PDE4B: variants seen among roughly 807,000 people sequenced by gnomAD.
PDE4B encodes the protein 3',5'-cyclic-AMP phosphodiesterase 4B.
A neutral mutation model predicts 82.2 loss-of-function variants in PDE4B; 20 were observed. That is an observed-to-expected ratio of 0.24 (90% CI 0.17 to 0.35). The LOEUF (loss-of-function observed/expected upper bound fraction) is 0.35, where lower values mean the gene tolerates loss of function less well. PDE4B is among the 10% of genes least tolerant of loss of function. The pLI is 1.00. For synonymous variants in PDE4B, 320 were observed against 318.9 expected, an observed-to-expected ratio of 1.00 and a Z score of -0.04; for missense variants, 655 against 907.2, an observed-to-expected ratio of 0.72 and a Z score of 3.57.
intron 3 of PDE4B, among the ~76,000 whole-genome samples, chr1:65,946,724 G>C (rs1444554623): frequency 6.6e-6 from 1 of 151,956 alleles, no homozygotes; most frequent in Non-Finnish European, 1.5e-5. Flanking sequence ...AGTACTATAG[G>C]TGATGTGGTG....
chr1:65,852,796 T>C (rs545249103), intron 1 of PDE4B, among the ~76,000 whole-genome samples: 137 of 152,176 alleles, frequency 9.0e-4, no homozygotes, highest in Non-Finnish European at 1.5e-3. Flanking sequence ...CAAGACTTGT[T>C]TATGGTCCAT....
chr1:66,318,527 A>G (rs138011292), intron 7 of PDE4B, among the ~76,000 whole-genome samples: 2 of 152,290 alleles, frequency 1.3e-5, no homozygotes, highest in African/African-American at 4.8e-5. Context: ...CATTATTTTT[A>G]TTACCACCTC....
intron 3 of PDE4B, among the ~76,000 whole-genome samples, chr1:66,045,110 C>T (rs1047269182): frequency 1.3e-5 from 2 of 151,882 alleles, no homozygotes; most frequent in South Asian, 2.1e-4. Context: ...ATCTTTGTCA[C>T]GAGGTGGAGC....
In PDE4B at chr1:65,844,947, G is replaced by T. The variant is rs574595109; in HGVS notation, c.-71+51699G>T. Among the ~76,000 whole-genome samples the T allele has an allele frequency of 2.0e-3, 301 of 152,308 alleles. 2 individuals are homozygous for T. The highest frequency in any genetic ancestry group is 6.3e-3 in the African/African-American group (264 of 41,582). On this transcript the variant is annotated intron_variant, in intron 1 of 16. Coordinates refer to ENST00000341517, the MANE Select transcript of PDE4B (RefSeq NM_002600.4). ...TTTTGCGGAGGTTTGGATCAATTCA[G>T]TGGGTTGTAGTTTGACATATGAAGT...
At chr1:65,848,615 A>G (rs1451591951) in intron 1 of PDE4B, among the ~76,000 whole-genome samples, 1 of 152,180 alleles carries the variant, frequency 6.6e-6, no homozygotes, top group African/African-American at 2.4e-5. Flanking sequence ...TTTTCTTTCT[A>G]AAGTTTCATA....
chr1:66,022,992 A>G (rs952810217), intron 3 of PDE4B, among the ~76,000 whole-genome samples: 1 of 151,892 alleles, frequency 6.6e-6, no homozygotes, highest in Non-Finnish European at 1.5e-5. Context: ...AGAACCTGTT[A>G]TTGGTCTATT....
At chr1:66,205,760 G>A (rs1649494932) in intron 3 of PDE4B, among the ~76,000 whole-genome samples, 1 of 152,174 alleles carries the variant, frequency 6.6e-6, no homozygotes, top group Non-Finnish European at 1.5e-5. Flanking sequence ...GATTCTGTCT[G>A]TGCTAGAAAG....
rs781315273 is a variant in PDE4B, at chr1:65,798,238, CTTTTTTTTTTT to C, written c.-71+5011_-71+5021del. ...GTTTCACCATGTTGGCCAGGCTAGT[CTTTTTTTTTTT>C]TTTTTTTTTTTTTTTTTTTTGAGAC... On this transcript the variant is annotated intron_variant, in intron 1 of 16. Coordinates refer to ENST00000341517, the MANE Select transcript of PDE4B (RefSeq NM_002600.4). Among the ~76,000 whole-genome samples the C allele has an allele frequency of 2.5e-3, 57 of 22,658 alleles. 1 individual carries two copies. The highest frequency in any genetic ancestry group is 3.6e-3 in the Non-Finnish European group (54 of 15,160). 14.9% of individuals were successfully genotyped at this position (22,658 alleles called of 152,430 possible).
Position 66,209,377 on chromosome 1 carries a change from C to T in PDE4B, c.282-38083C>T, listed in dbSNP as rs533362101. Among the ~76,000 whole-genome samples, 353 of 152,182 alleles carry T rather than the reference C, an allele frequency of 2.3e-3. 1 individual carries two copies. Among genetic ancestry groups the T allele is most frequent in the Non-Finnish European group, 3.9e-3 (268 of 68,006 alleles). ...ATTTTCTATATCTGCAGTAATTTTCCCAGGGTTACGTAGCTCCTAACTGGA... is the reference window on the plus strand; with the variant it reads ...ATTTTCTATATCTGCAGTAATTTTCTCAGGGTTACGTAGCTCCTAACTGGA... On this transcript the variant is annotated intron_variant, in intron 3 of 16. Coordinates refer to ENST00000341517, the MANE Select transcript of PDE4B (RefSeq NM_002600.4).
In PDE4B at chr1:66,198,758, C is replaced by A. The variant is rs138041308; in HGVS notation, c.282-48702C>A. Among the ~76,000 whole-genome samples, 76 of 152,204 alleles carry A rather than the reference C, an allele frequency of 5.0e-4. 3 individuals are homozygous for A. In the East Asian group the frequency reaches 9.4e-3, roughly 19 times the overall value. Reference sequence around the variant, plus strand: ...TATATCTCCTAATGCTATCCCTCCCCCTTCCCCCCACCCCACAACAGTCCC... The same window carrying A: ...TATATCTCCTAATGCTATCCCTCCCACTTCCCCCCACCCCACAACAGTCCC... On this transcript the variant is annotated intron_variant, in intron 3 of 16. Coordinates refer to ENST00000341517, the MANE Select transcript of PDE4B (RefSeq NM_002600.4).
At chr1:66,304,046 A>G (rs1433247554) in intron 7 of PDE4B, among the ~76,000 whole-genome samples, 2 of 152,190 alleles carry the variant, frequency 1.3e-5, no homozygotes, top group Non-Finnish European at 2.9e-5. Flanking sequence ...CCTAGGACTC[A>G]CAATTCAGGA....
intron 7 of PDE4B, among the ~76,000 whole-genome samples, chr1:66,286,086 C>T (rs973598596): frequency 2.0e-5 from 3 of 152,130 alleles, no homozygotes; most frequent in Admixed American, 1.3e-4. Context: ...TAAATAAGTG[C>T]TAAATAAATA....
chr1:65,902,607 C>T lies in PDE4B; in HGVS notation c.-70-10638C>T, dbSNP rs566321289. Among the ~76,000 whole-genome samples the T allele has an allele frequency of 7.9e-5, 12 of 152,144 alleles. No homozygotes were observed. In the South Asian group the frequency reaches 1.7e-3, roughly 21 times the overall value. ...AACTGATTGTATCAGTTGTGCATTA[C>T]GATTGTGATGATACTCTACTTAGAT... On this transcript the variant is annotated intron_variant, in intron 1 of 16. Transcript: ENST00000341517.
At chr1:65,970,263 C>T (rs1454581977) in intron 3 of PDE4B, among the ~76,000 whole-genome samples, 8 of 148,726 alleles carry the variant, frequency 5.4e-5, no homozygotes, top group Admixed American at 2.0e-4. Flanking sequence ...AAAGGTTGTA[C>T]GGTTCTATTC....
chr1:66,297,935 G>T (rs571451935), intron 7 of PDE4B, among the ~76,000 whole-genome samples: 5 of 152,214 alleles, frequency 3.3e-5, no homozygotes, highest in African/African-American at 1.2e-4. Flanking sequence ...ATATGACTAG[G>T]TTGGTGAACA....
chr1:66,273,128 AC>A (rs770599418), intron 7 of PDE4B, among the ~76,000 whole-genome samples: 2 of 152,104 alleles, frequency 1.3e-5, no homozygotes, highest in Non-Finnish European at 2.9e-5. Flanking sequence ...TCAAGATAAG[AC>A]CTAAATGTCT....
At chr1:66,006,176 C>G (rs985245281) in intron 3 of PDE4B, among the ~76,000 whole-genome samples, 10 of 152,104 alleles carry the variant, frequency 6.6e-5, no homozygotes, top group African/African-American at 2.2e-4. Flanking sequence ...TATCTGAAAG[C>G]TAAGATAATT....
intron 1 of PDE4B, among the ~76,000 whole-genome samples, chr1:65,864,343 C>A (rs1220829315): frequency 6.6e-6 from 1 of 151,950 alleles, no homozygotes. Context: ...TATTACCCAC[C>A]TTTTGAAGCC....
At chr1:65,797,224 G>C (rs901788798) in intron 1 of PDE4B, among the ~76,000 whole-genome samples, 2 of 152,202 alleles carry the variant, frequency 1.3e-5, no homozygotes, top group Non-Finnish European at 2.9e-5. Context: ...AAAGTGCTGG[G>C]ATTACAGGTG....
Sources: allele counts gnomAD v4.1 joint callset (sites outside exome capture counted in the v4.1 genomes callset), GRCh38; gene constraint gnomAD v4.1.1; transcripts MANE v1.5; gene names NCBI Gene and HGNC (gene_info 2026-07-23, HGNC 2026-07-21).